The following DAB1 variants were observed in gnomAD, a reference collection of about 807,000 sequenced individuals.
DAB1 encodes the protein disabled homolog 1.
A neutral mutation model predicts 64.6 loss-of-function variants in DAB1; 15 were observed. That is an observed-to-expected ratio of 0.23 (90% CI 0.16 to 0.36). The LOEUF (loss-of-function observed/expected upper bound fraction) is 0.36, where lower values mean the gene tolerates loss of function less well. Ranked by LOEUF, DAB1 falls within the 10% of genes least tolerant of loss-of-function variation. DAB1 has a pLI of 1.00. For synonymous variants in DAB1, 235 were observed against 251.9 expected, an observed-to-expected ratio of 0.93 and a Z score of 0.64; for missense variants, 596 against 706.7, an observed-to-expected ratio of 0.84 and a Z score of 1.78.
At chr1:58,542,672 C>T (rs1646640406) in intron 1 of DAB1, among the ~76,000 whole-genome samples, 1 of 152,162 alleles carries the variant, frequency 6.6e-6, no homozygotes, top group Non-Finnish European at 1.5e-5. Context: ...ACAACCCAAG[C>T]CCACTTTCTT....
At chr1:57,879,536 G>T (rs1020069597) in intron 1 of DAB1, among the ~76,000 whole-genome samples, 1 of 152,202 alleles carries the variant, frequency 6.6e-6, no homozygotes, top group Non-Finnish European at 1.5e-5. Context: ...AGAAGCCTCA[G>T]ATGGCACTTT....
chr1:58,129,500 C>T (rs1653375373), intron 5 of DAB1, among the ~76,000 whole-genome samples: 1 of 126,648 alleles, frequency 7.9e-6, no homozygotes, highest in Non-Finnish European at 1.6e-5. Context: ...CTTCTGCTAG[C>T]TTTTGAATGT....
intron 2 of DAB1, among the ~76,000 whole-genome samples, chr1:57,165,214 T>G (rs1256032788): frequency 6.6e-6 from 1 of 152,194 alleles, no homozygotes; most frequent in Admixed American, 6.5e-5. Flanking sequence ...TAAACAACTT[T>G]TTTTGTCGCC....
intron 1 of DAB1, chr1:57,875,190 T>G (rs1644022703): frequency 6.6e-6 from 1 of 152,192 alleles, no homozygotes; most frequent in Non-Finnish European, 1.5e-5. Context: ...CATCTACAAG[T>G]ATGTCTATTT....
chr1:58,013,144 C>T (rs1402997178), intron 5 of DAB1, among the ~76,000 whole-genome samples: 2 of 152,150 alleles, frequency 1.3e-5, no homozygotes, highest in Non-Finnish European at 2.9e-5. Flanking sequence ...TATGAGAAAC[C>T]TTTGTGGTAT....
intron 4 of DAB1, among the ~76,000 whole-genome samples, chr1:58,248,409 C>G (rs1406909538): frequency 6.6e-6 from 1 of 152,174 alleles, no homozygotes; most frequent in Non-Finnish European, 1.5e-5. Flanking sequence ...TGGTCCAACC[C>G]TTGTCAGGTC....
chr1:58,303,836 C>G (rs1027139133), intron 4 of DAB1, among the ~76,000 whole-genome samples: 1 of 152,176 alleles, frequency 6.6e-6, no homozygotes, highest in East Asian at 1.9e-4. Flanking sequence ...TGTGGGGAAT[C>G]TTTTTGTTCT....
intron 6 of DAB1, among the ~76,000 whole-genome samples, chr1:57,798,966 CATGCAAG>C (rs1650999475): frequency 6.6e-6 from 1 of 152,152 alleles, no homozygotes; most frequent in African/African-American, 2.4e-5. Flanking sequence ...CACCAGCTGT[CATGCAAG>C]AAAATATTCA....
intron 3 of DAB1, among the ~76,000 whole-genome samples, chr1:58,359,574 G>C (rs935476644): frequency 6.6e-6 from 1 of 152,098 alleles, no homozygotes; most frequent in African/African-American, 2.4e-5. Flanking sequence ...GCTACCCCAG[G>C]GGACACAGAG....
chr1:58,157,646 C>T (rs1655292392), intron 4 of DAB1, among the ~76,000 whole-genome samples: 2 of 152,116 alleles, frequency 1.3e-5, no homozygotes, highest in South Asian at 4.1e-4. Flanking sequence ...TGGTGGAGGG[C>T]AGTGATCGAT....
At chr1:58,281,305 G>A (rs1661557595) in intron 4 of DAB1, among the ~76,000 whole-genome samples, 1 of 151,470 alleles carries the variant, frequency 6.6e-6, no homozygotes, top group East Asian at 1.9e-4. Context: ...TTTGAATTGA[G>A]GGCTGACAAT....
At chr1:57,512,085 GA>G (rs1369737045) in intron 7 of DAB1, among the ~76,000 whole-genome samples, 4 of 152,278 alleles carry the variant, frequency 2.6e-5, no homozygotes, top group African/African-American at 9.6e-5. Context: ...AAGCCCTAGA[GA>G]ATGTAAGTAA....
In DAB1 at chr1:58,475,114, T is replaced by C. The variant is rs181881962; in HGVS notation, n.257+30946A>G. Among the ~76,000 whole-genome samples the C allele has an allele frequency of 6.1e-3, 935 of 152,276 alleles. 3 individuals carry two copies. The highest frequency in any genetic ancestry group is 0.02 in the African/African-American group (814 of 41,548). Reference sequence around the variant, plus strand: ...AAATTGATGGAAATCAGGAGCACTCTCCAGACAAGAGCCGTAATGGATTAA... The same window carrying C: ...AAATTGATGGAAATCAGGAGCACTCCCCAGACAAGAGCCGTAATGGATTAA... On this transcript the variant is annotated intron_variant and non_coding_transcript_variant, in intron 3 of 20. Coordinates refer to the DAB1 transcript ENST00000485760.
intron 5 of DAB1, chr1:58,048,708 A>C (rs529434098): frequency 5.5e-5 from 73 of 1,323,036 alleles, no homozygotes; most frequent in Non-Finnish European, 7.7e-5. Context: ...GAACCACTTC[A>C]CCTCTTTGGC....
At chr1:58,463,747 A>G (rs1311115868) in intron 3 of DAB1, among the ~76,000 whole-genome samples, 1 of 152,234 alleles carries the variant, frequency 6.6e-6, no homozygotes, top group Non-Finnish European at 1.5e-5. Context: ...GTGGACATTT[A>G]CAGATGTGGA....
At chr1:57,091,633 T>C (rs1653688779) in intron 4 of DAB1, among the ~76,000 whole-genome samples, 1 of 152,158 alleles carries the variant, frequency 6.6e-6, no homozygotes. Flanking sequence ...GTTAAGAACA[T>C]GGACACTGGA....
Position 58,397,745 on chromosome 1 carries a change from C to A in DAB1, n.258-54342G>T, listed in dbSNP as rs79989788. The stretch of plus-strand genomic sequence containing the variant: ...AAGCTGGTCACCTACCCCTTTATTG[C>A]TCCCCACCACCCCGCATCAAAGTAT... On this transcript the variant is annotated intron_variant and non_coding_transcript_variant, in intron 3 of 20. Coordinates refer to the DAB1 transcript ENST00000485760. 6.9e-3 allele frequency among the ~76,000 whole-genome samples: 1,051 copies of A among 152,318 alleles called. 5 individuals are homozygous for A. The highest frequency in any genetic ancestry group is 0.015 in the Admixed American group (222 of 15,304).
At chr1:58,195,745 G>C (rs1425348180) in intron 4 of DAB1, among the ~76,000 whole-genome samples, 3 of 152,176 alleles carry the variant, frequency 2.0e-5, no homozygotes, top group Non-Finnish European at 4.4e-5. Flanking sequence ...AACACATATG[G>C]AATAACAGCG....
At chr1:58,470,981 A>C (rs535507939) in intron 3 of DAB1, among the ~76,000 whole-genome samples, 1 of 152,308 alleles carries the variant, frequency 6.6e-6, no homozygotes, top group African/African-American at 2.4e-5. Context: ...GACAGAGGGG[A>C]AGGGATTTAA....
Sources: allele counts gnomAD v4.1 joint callset (sites outside exome capture counted in the v4.1 genomes callset), GRCh38; gene constraint gnomAD v4.1.1; transcripts MANE v1.5; gene names NCBI Gene and HGNC (gene_info 2026-07-23, HGNC 2026-07-21).